The following FAM53A variants were observed in gnomAD, a reference collection of about 807,000 sequenced individuals.
The protein encoded by FAM53A is protein FAM53A.
A neutral mutation model predicts 26.6 loss-of-function variants in FAM53A; 28 were observed. The observed-to-expected ratio is 1.05, with a 90% CI of 0.78 to 1.45. The LOEUF is 1.45. Ranked by LOEUF, FAM53A falls within the 40% of genes most tolerant of loss-of-function variation. The pLI, the probability that FAM53A is intolerant of heterozygous loss-of-function variation, is 0.00. For synonymous variants in FAM53A, 290 were observed against 253.1 expected (o/e 1.15, Z -1.38); for missense variants, 650 against 575.8 (o/e 1.13, Z -1.32).
the FAM53A span, among the ~76,000 whole-genome samples, chr4:1,596,291 C>T: frequency 6.6e-6 from 1 of 152,214 alleles, no homozygotes; most frequent in African/African-American, 2.4e-5. Context: ...TCCATGCTGT[C>T]CGGATTTTTT....
At chr4:1,684,397 C>A (rs1046988591), upstream of FAM53A, 15 of 148,836 alleles carry the variant, frequency 1.0e-4, no homozygotes, top group Admixed American at 1.0e-3. Context: ...GCCGCGAGCC[C>A]GTCAGCCGCC....
upstream of FAM53A, among the ~76,000 whole-genome samples, chr4:1,685,462 C>T (rs868628573): frequency 6.6e-6 from 1 of 151,974 alleles, no homozygotes; most frequent in East Asian, 1.9e-4. Context: ...GCATGGAGGC[C>T]GGCTGGTTCC....
chr4:1,603,489 T>G, the FAM53A span, among the ~76,000 whole-genome samples: 1 of 151,680 alleles, frequency 6.6e-6, no homozygotes, highest in African/African-American at 2.4e-5. Flanking sequence ...CCCCAGTGGG[T>G]AGGAATGGCC....
At chr4:1,626,257 G>C (rs544575065) in intron 1 of FAM53A, among the ~76,000 whole-genome samples, 4 of 152,336 alleles carry the variant, frequency 2.6e-5, no homozygotes, top group Admixed American at 2.6e-4. Context: ...CTGAGCCCAA[G>C]TGACTACAGC....
At chr4:1,627,717 G>A (rs997713639) in intron 1 of FAM53A, among the ~76,000 whole-genome samples, 4 of 152,154 alleles carry the variant, frequency 2.6e-5, no homozygotes, top group African/African-American at 9.6e-5. Context: ...GAAGCCCAGG[G>A]CCAGAGGGTC....
rs1488739660 is a variant in FAM53A at position 1,668,818 on chromosome 4, A to G, written c.-77T>C. 1.4e-6 allele frequency: 2 copies of G among 1,427,038 alleles called. No homozygotes were observed. Among genetic ancestry groups the G allele is most frequent in the East Asian group, 4.6e-5 (2 of 43,492 alleles). 88.4% of individuals were successfully genotyped at this position (1,427,038 alleles called of 1,614,324 possible). A position where few individuals can be genotyped will look rare whatever the true frequency, so the allele number is the denominator to read the frequency against. On this transcript the variant is annotated 5_prime_UTR_variant, in exon 2 of 5. The change abolishes an upstream ATG in the 5' untranslated region. Coordinates refer to ENST00000308132, the MANE Select transcript of FAM53A (RefSeq NM_001174070.3). The stretch of plus-strand genomic sequence containing the variant: ...ACATCAGACTTGCGAAGGCCCCAGC[A>G]TTGCTGGGTCAGCCAAATCTCAAGG...
At chr4:1,642,277 A>G (rs1711781577) in intron 4 of FAM53A, among the ~76,000 whole-genome samples, 1 of 152,122 alleles carries the variant, frequency 6.6e-6, no homozygotes, top group African/African-American at 2.4e-5. Context: ...GTGCACACAC[A>G]GGGGTCTCCC....
At chr4:1,606,496 T>C in the FAM53A span, among the ~76,000 whole-genome samples, 2 of 152,088 alleles carry the variant, frequency 1.3e-5, no homozygotes, top group African/African-American at 4.8e-5. Context: ...CACTGTTTCA[T>C]GCAGAGGACC....
rs1430060595 is a variant in FAM53A at position 1,655,115 on chromosome 4, G to T, written c.745C>A (p.Leu249Met). Residue 249 changes from leucine (L) to methionine (M), a missense_variant, in exon 4 of 5, where the codon CTG (leucine) becomes ATG (methionine). Leu to Met is a conservative substitution (Grantham distance 15). Coordinates refer to ENST00000308132, the MANE Select transcript of FAM53A (RefSeq NM_001174070.3). ...ASSSPTSTPA[L>M]GGRRGLLRCR... is the part of the protein sequence containing the mutation. ...CGGAGCAGCCCACGGCGCCCGCCCA[G>T]CGCAGGCGTGGACGTGGGGCTGCTG... is the stretch of plus-strand genomic sequence containing the variant. 6.3e-7 allele frequency: 1 copy of T among 1,598,936 alleles called. No homozygotes were observed. The highest frequency in any genetic ancestry group is 1.7e-5 in the Admixed American group (1 of 58,672).
the FAM53A span, among the ~76,000 whole-genome samples, chr4:1,605,211 T>C: frequency 2.0e-5 from 3 of 152,126 alleles, no homozygotes; most frequent in South Asian, 6.2e-4. The surrounding 1 kb of genome is among the most constrained non-coding windows in gnomAD (Gnocchi z 5.7). Context: ...GGTGGGGTTG[T>C]TTCCGCTCCA....
chr4:1,668,675 C>A lies in FAM53A; in HGVS notation c.67G>T (p.Ala23Ser). Residue 23 changes from alanine to serine, a missense_variant, in exon 2 of 5, where the codon GCT becomes TCT. Physicochemically the swap from Ala to Ser is moderately conservative, Grantham distance 99. Transcript: ENST00000308132. ...CACCTGCAGCTGCTTACCGGGCCAG[C>A]CTCCGCCTTGCAGGTGAGGTCGTCC... ...SLDDLTCKAE[A>S]GPLQYSAETL... The A allele has an allele frequency of 6.2e-7, 1 of 1,614,112 alleles. No individual in the cohort carries two copies. Among genetic ancestry groups the A allele is most frequent in the Non-Finnish European group, 8.5e-7 (1 of 1,180,024 alleles).
At chr4:1,599,712 A>G in the FAM53A span, among the ~76,000 whole-genome samples, 2 of 151,180 alleles carry the variant, frequency 1.3e-5, no homozygotes, top group African/African-American at 2.4e-5. This position sits in a 1 kb window ranked among gnomAD's most constrained non-coding sequence, Gnocchi z 6.1. Context: ...ACACACATAC[A>G]TACCCACACT....
In FAM53A at chr4:1,666,553, G is replaced by A. The variant is rs145929452; in HGVS notation, c.75+2114C>T. Among the ~76,000 whole-genome samples the A allele has an allele frequency of 6.0e-3, 915 of 152,342 alleles. 12 individuals carry two copies. Among genetic ancestry groups the A allele is most frequent in the African/African-American group, 0.021 (861 of 41,560 alleles). ...CTCCCAGGCCCGGCAGGCATGCTGC[G>A]TAGCCACCTCCCTGGAAAGCTGCGC... On this transcript the variant is annotated intron_variant, in intron 2 of 4. Coordinates refer to ENST00000308132, the MANE Select transcript of FAM53A (RefSeq NM_001174070.3).
the FAM53A span, among the ~76,000 whole-genome samples, chr4:1,577,190 A>C: frequency 1.3e-5 from 2 of 152,168 alleles, no homozygotes; most frequent in Admixed American, 1.3e-4. Flanking sequence ...TTGGCCAGGC[A>C]CACTCACTGG....
At chr4:1,577,529 T>C in the FAM53A span, among the ~76,000 whole-genome samples, 18 of 152,278 alleles carry the variant, frequency 1.2e-4, no homozygotes, top group African/African-American at 4.1e-4. Context: ...CTCAAAGGCC[T>C]TTATGTAAAT....
rs769254827 is a variant in FAM53A, at chr4:1,674,850, G to A, written c.-164-5945C>T. 1.6e-4 allele frequency among the ~76,000 whole-genome samples: 24 copies of A among 152,136 alleles called. No individual in the cohort carries two copies. In the East Asian group the frequency reaches 2.9e-3, roughly 18 times the overall value. On this transcript the variant is annotated intron_variant, in intron 1 of 4. Transcript: ENST00000308132. ...GCCATGAGGATGCAGCACCAGTCAC[G>A]AGGCATGATGGACAGCAAGTCCCTC...
downstream of FAM53A, among the ~76,000 whole-genome samples, chr4:1,614,151 G>A (rs776331634): frequency 1.3e-5 from 2 of 152,184 alleles, no homozygotes; most frequent in Non-Finnish European, 2.9e-5. Flanking sequence ...CACAGCCACC[G>A]CCGGCAAGGA....
intron 1 of FAM53A, among the ~76,000 whole-genome samples, chr4:1,675,138 A>C (rs1214423646): frequency 2.0e-5 from 3 of 152,190 alleles, no homozygotes; most frequent in Admixed American, 2.0e-4. Context: ...GGAAAAGGAG[A>C]CAAAGGCCAG....
chr4:1,631,456 G>A (rs74831391), intron 1 of FAM53A, among the ~76,000 whole-genome samples: 3,533 of 152,288 alleles, frequency 0.023, 117 homozygotes, highest in African/African-American at 0.059. Context: ...CTCCTGTGCC[G>A]GGCATTACGG....
Sources: gnomAD v4.1 joint callset for allele counts (sites outside exome capture counted in the v4.1 genomes callset) on GRCh38, gnomAD v4.1.1 for gene constraint, Gnocchi (gnomAD v3.1) non-coding constraint, MANE v1.5 for transcripts, NCBI Gene and HGNC (gene_info 2026-07-23, HGNC 2026-07-21) for gene names.